The following XPNPEP1 variants were observed in gnomAD, a reference collection of about 807,000 sequenced individuals.
XPNPEP1 encodes xaa-Pro aminopeptidase 1.
XPNPEP1 carries 39 observed loss-of-function variants against 92.4 expected under a neutral mutation model. The observed-to-expected ratio is 0.42, with a 90% CI of 0.33 to 0.55. XPNPEP1 has a LOEUF of 0.55. Ranked by LOEUF, XPNPEP1 falls within the 20% of genes least tolerant of loss-of-function variation. The probability of loss-of-function intolerance (pLI) is 0.08; values close to 1 mark genes in which losing one functional copy is unlikely to be tolerated. For missense variants in XPNPEP1, 654 were observed against 856.1 expected (o/e 0.76, Z 2.95); for synonymous variants, 307 against 299.4 (o/e 1.03, Z -0.26).
chr10:109,896,442 T>G (rs1284138224), intron 3 of XPNPEP1, among the ~76,000 whole-genome samples: 1 of 150,350 alleles, frequency 6.7e-6, no homozygotes, highest in African/African-American at 2.5e-5. Flanking sequence ...CCTTTTTTTT[T>G]TTTTTTTTTG....
intron 12 of XPNPEP1, 71 bp downstream of exon 12, chr10:109,880,117 A>T: frequency 1.4e-6 from 2 of 1,474,512 alleles, no homozygotes; most frequent in Non-Finnish European, 1.9e-6. Flanking sequence ...GGGAGATGCT[A>T]GAGTTAGAAT....
intron 15 of XPNPEP1, 97 bp from the exon 16 acceptor site, chr10:109,873,524 A>G (rs1847605193): frequency 7.0e-7 from 1 of 1,432,136 alleles, no homozygotes; most frequent in Non-Finnish European, 9.8e-7. Flanking sequence ...GCCCCATACA[A>G]TGCTGGTGGG....
At position 109,874,157 on chromosome 10, in the gene XPNPEP1, A is replaced by T. The variant is rs149167645; in HGVS notation, c.1392-730T>A. On this transcript the variant is annotated intron_variant, in intron 15 of 20. Coordinates refer to ENST00000502935, the MANE Select transcript of XPNPEP1 (RefSeq NM_020383.4). ...ATTTTACCCCAATGAAGTTATTTTA[A>T]AAAATGAAACAAAGTGTGAATGCAG... 1.7e-4 allele frequency among the ~76,000 whole-genome samples: 26 copies of T among 152,362 alleles called. No individual in the cohort carries two copies. The East Asian group carries it at 4.8e-3, about 28-fold the overall frequency.
At chr10:109,871,320 C>T (rs2133358096) in intron 17 of XPNPEP1, among the ~76,000 whole-genome samples, 1 of 152,298 alleles carries the variant, frequency 6.6e-6, no homozygotes, top group Non-Finnish European at 1.5e-5. Context: ...AAAAGCAAGG[C>T]AGCCCAGGTC....
intron 12 of XPNPEP1, among the ~76,000 whole-genome samples, chr10:109,879,416 G>A (rs1032362301): frequency 4.0e-5 from 6 of 150,940 alleles, no homozygotes; most frequent in Non-Finnish European, 5.9e-5. Flanking sequence ...CTACAACTAC[G>A]AAAATTAGCC....
intron 1 of XPNPEP1, among the ~76,000 whole-genome samples, chr10:109,918,090 G>C (rs935796845): frequency 6.6e-6 from 1 of 151,656 alleles, no homozygotes; most frequent in African/African-American, 2.4e-5. Flanking sequence ...CTCCAGCTTG[G>C]GTTACAGAGC....
intron 4 of XPNPEP1, chr10:109,892,369 G>T: frequency 6.4e-6 from 1 of 156,270 alleles, no homozygotes; most frequent in Non-Finnish European, 1.4e-5. Context: ...TGGCAGAGGT[G>T]TCAGCCAAAG....
intron 1 of XPNPEP1, among the ~76,000 whole-genome samples, chr10:109,921,400 C>T (rs1408778852): frequency 1.3e-5 from 2 of 152,214 alleles, no homozygotes; most frequent in Non-Finnish European, 2.9e-5. Context: ...GGGTAAGGGG[C>T]AAGAAGCATG....
rs760391070 is a variant in XPNPEP1 at position 109,870,786 on chromosome 10, G to C, written c.1641C>G (p.Ile547Met). ...FLNVHEGPCG[I>M]SYKTFSDEPL... Reference sequence around the variant, plus strand: ...GCTCATCAGAGAATGTTTTGTAACTGATGCCGCAAGGACCCTCATGGACAT... The same window carrying C: ...GCTCATCAGAGAATGTTTTGTAACTCATGCCGCAAGGACCCTCATGGACAT... Residue 547 changes from isoleucine (I) to methionine (M), a missense_variant, in exon 18 of 21, where the codon ATC (isoleucine) becomes ATG (methionine). Transcript: ENST00000502935. The C allele has an allele frequency of 6.2e-7, 1 of 1,614,144 alleles. No individual in the cohort carries two copies. The highest frequency in any genetic ancestry group is 8.5e-7 in the Non-Finnish European group (1 of 1,180,034).
At position 109,895,206 on chromosome 10, in the gene XPNPEP1, G is replaced by A. The variant is rs11194904; in HGVS notation, c.247-2131C>T. ...TGAGGGCACTCTCCACCAACATGAC[G>A]CCACAGGCTTGGGGCTCTTCCACCC... On this transcript the variant is annotated intron_variant, in intron 3 of 20. Coordinates refer to ENST00000502935, the MANE Select transcript of XPNPEP1 (RefSeq NM_020383.4). Among the ~76,000 whole-genome samples, 1,328 of 152,298 alleles carry A rather than the reference G, an allele frequency of 8.7e-3. 24 individuals are homozygous for A. The highest frequency in any genetic ancestry group is 0.03 in the African/African-American group (1,234 of 41,554).
intron 3 of XPNPEP1, among the ~76,000 whole-genome samples, chr10:109,904,478 C>A (rs1488198665): frequency 6.6e-6 from 1 of 152,006 alleles, no homozygotes; most frequent in African/African-American, 2.4e-5. Context: ...CACCCCGCCC[C>A]TGAAATAACT....
intron 17 of XPNPEP1, 135 bp from the exon 18 acceptor site, chr10:109,871,039 AG>A (rs1205205542): frequency 1.3e-5 from 13 of 988,190 alleles, no homozygotes; most frequent in Non-Finnish European, 1.7e-5. Context: ...GCACAGCACA[AG>A]GAAGAACTTT....
At chr10:109,869,816 T>C (rs1847349151) in intron 19 of XPNPEP1, 137 bp downstream of exon 19, 2 of 801,994 alleles carry the variant, frequency 2.5e-6, no homozygotes, top group Non-Finnish European at 4.0e-6. Context: ...CCAAAGACAT[T>C]AAGTCTTCAT....
In XPNPEP1 at chr10:109,865,205, T is replaced by C. The variant is rs1352841978; in HGVS notation, c.1980A>G (p.Gln660=). Residue 660 remains glutamine, a synonymous_variant, in exon 21 of 21, where the codon CAA becomes CAG. Coordinates refer to ENST00000502935, the MANE Select transcript of XPNPEP1 (RefSeq NM_020383.4). ...TTTATTAATGCTGTTTGGAGATGGG[T>C]TGCGTCTCTCTGATGAGCCACTCGA... is the stretch of plus-strand genomic sequence containing the variant. The part of the protein sequence containing the change: ...EALEWLIRET[Q]PISKQH The C allele has an allele frequency of 1.6e-5, 26 of 1,614,072 alleles. No homozygotes were observed. The highest frequency in any genetic ancestry group is 2.2e-5 in the Non-Finnish European group (26 of 1,180,010).
chr10:109,916,096 T>A (rs967926837), intron 1 of XPNPEP1, among the ~76,000 whole-genome samples: 3 of 151,868 alleles, frequency 2.0e-5, no homozygotes, highest in African/African-American at 7.3e-5. Flanking sequence ...CGTCAAGTAA[T>A]AAGAACGTGT....
At chr10:109,923,222 G>A in intron 1 of XPNPEP1, 180 bp downstream of exon 1, 3 of 985,332 alleles carry the variant, frequency 3.0e-6, no homozygotes, top group South Asian at 4.7e-5. Context: ...ATCTCGCCCG[G>A]CCTCATGGAC....
rs1317349313 is a variant in XPNPEP1, at chr10:109,867,236, T to C, written c.1872+1378A>G. Among the ~76,000 whole-genome samples the C allele has an allele frequency of 1.3e-5, 2 of 152,202 alleles. No individual in the cohort carries two copies. Among genetic ancestry groups the C allele is most frequent in the African/African-American group, 4.8e-5 (2 of 41,450 alleles). On this transcript the variant is annotated intron_variant, in intron 20 of 20. Coordinates refer to ENST00000502935, the MANE Select transcript of XPNPEP1 (RefSeq NM_020383.4). This position sits in a 1 kb window ranked among gnomAD's most constrained non-coding sequence, Gnocchi z 4.5. ...GCAGGGTGGGTCCCATGCCCACCTA[T>C]GTGTTTTCATTTCCTCTCAGCTAAG...
In XPNPEP1 at chr10:109,921,957, G is replaced by C. The variant is rs117507943; in HGVS notation, c.32+1445C>G. ...TAGAACTGTCATAACCTGCCATAAG[G>C]AGAAAGTCTCCCTGAGAATGAAGCG... On this transcript the variant is annotated intron_variant, in intron 1 of 20. Transcript: ENST00000502935. Among the ~76,000 whole-genome samples, 1,476 of 152,304 alleles carry C rather than the reference G, an allele frequency of 9.7e-3. 9 individuals are homozygous for C. The highest frequency in any genetic ancestry group is 0.018 in the South Asian group (87 of 4,824).
At chr10:109,898,548 A>G (rs1454995747) in intron 3 of XPNPEP1, among the ~76,000 whole-genome samples, 2 of 152,224 alleles carry the variant, frequency 1.3e-5, no homozygotes, top group East Asian at 1.9e-4. Flanking sequence ...ATAGGCGAAG[A>G]GAGCAGGAAA....
Sources: allele counts gnomAD v4.1 joint callset (sites outside exome capture counted in the v4.1 genomes callset), GRCh38; gene constraint gnomAD v4.1.1; non-coding constraint Gnocchi (gnomAD v3.1); transcripts MANE v1.5; gene names NCBI Gene and HGNC (gene_info 2026-07-23, HGNC 2026-07-21).